The following IL1RAPL2 variants were observed in gnomAD, a reference collection of about 807,000 sequenced individuals.
IL1RAPL2 encodes interleukin 1 receptor accessory protein like 2, also known as X-linked interleukin-1 receptor accessory protein-like 2.
A neutral mutation model predicts 44.1 loss-of-function variants in IL1RAPL2; 3 were observed. That is an observed-to-expected ratio of 0.07 (90% CI 0.03 to 0.18). The LOEUF (loss-of-function observed/expected upper bound fraction) is 0.18. Among genes scored for constraint, IL1RAPL2 ranks in the 10% least tolerant of loss-of-function variants. The pLI, the probability that IL1RAPL2 is intolerant of heterozygous loss-of-function variation, is 1.00. For synonymous variants in IL1RAPL2, 181 were observed against 178.8 expected, an observed-to-expected ratio of 1.01 and a Z score of -0.10; for missense variants, 391 against 496.4, an observed-to-expected ratio of 0.79 and a Z score of 2.02.
chrX:104,800,360 G>A (rs1432096508), intron 2 of IL1RAPL2, among the ~76,000 whole-genome samples: 1 of 109,990 alleles, frequency 9.1e-6, no homozygotes, highest in South Asian at 3.9e-4. Flanking sequence ...ATCATGCCAG[G>A]TATTTAAAAA....
intron 2 of IL1RAPL2, among the ~76,000 whole-genome samples, chrX:105,110,746 T>C (rs2147565364): frequency 9.0e-6 from 1 of 110,661 alleles, no homozygotes; most frequent in African/African-American, 3.3e-5. Flanking sequence ...AGACCAGCCT[T>C]GCCAACATAG....
chrX:105,591,449 C>A (rs368529518), intron 6 of IL1RAPL2, among the ~76,000 whole-genome samples: 4 of 110,137 alleles, frequency 3.6e-5, no homozygotes, highest in South Asian at 7.7e-4. Flanking sequence ...TGTTTTTTAT[C>A]TTCTGCTAGC....
chrX:105,092,917 A>G (rs974533548), intron 2 of IL1RAPL2, among the ~76,000 whole-genome samples: 1 of 110,809 alleles, frequency 9.0e-6, no homozygotes, highest in Non-Finnish European at 1.9e-5. Context: ...GTATAACCCT[A>G]TACATAGAAT....
chrX:105,693,163 C>T (rs779828252), intron 6 of IL1RAPL2, among the ~76,000 whole-genome samples: 53 of 111,694 alleles, frequency 4.7e-4, no homozygotes, highest in Non-Finnish European at 7.7e-4. Flanking sequence ...ATGTCCTAAT[C>T]CCCAGAATTT....
intron 2 of IL1RAPL2, among the ~76,000 whole-genome samples, chrX:104,913,001 T>A (rs1202175277): frequency 9.0e-6 from 1 of 111,295 alleles, no homozygotes; most frequent in Non-Finnish European, 1.9e-5. Flanking sequence ...CAAGGCAGGA[T>A]AGTAAGAGTA....
intron 2 of IL1RAPL2, among the ~76,000 whole-genome samples, chrX:104,905,462 T>C (rs889325122): frequency 1.8e-5 from 2 of 111,897 alleles, no homozygotes; most frequent in Non-Finnish European, 3.8e-5. Flanking sequence ...CTTTAATCCA[T>C]CTTGAGTTGA....
chrX:105,130,278 C>A (rs1396576457), intron 2 of IL1RAPL2, among the ~76,000 whole-genome samples: 1 of 111,209 alleles, frequency 9.0e-6, no homozygotes, highest in Non-Finnish European at 1.9e-5. Context: ...GATTTTCAGA[C>A]CTCACTCAAG....
chrX:104,987,376 T>C (rs1246113528), intron 2 of IL1RAPL2, among the ~76,000 whole-genome samples: 2 of 108,473 alleles, frequency 1.8e-5, no homozygotes, highest in Non-Finnish European at 3.8e-5. Flanking sequence ...TTGGAATTTA[T>C]ACCCTGACTT....
At chrX:105,105,821 GC>G (rs1254267456) in intron 2 of IL1RAPL2, among the ~76,000 whole-genome samples, 1 of 111,927 alleles carries the variant, frequency 8.9e-6, no homozygotes, top group Non-Finnish European at 1.9e-5. Flanking sequence ...TATCTGAGCA[GC>G]CCCCAATTCG....
intron 2 of IL1RAPL2, among the ~76,000 whole-genome samples, chrX:104,685,438 A>G (rs1930968588): frequency 9.0e-6 from 1 of 111,696 alleles, no homozygotes; most frequent in African/African-American, 3.3e-5. Flanking sequence ...GAAAGAGGTA[A>G]TTGAGGGGGC....
chrX:105,523,360 A>G (rs2036572768), intron 6 of IL1RAPL2, among the ~76,000 whole-genome samples: 1 of 111,646 alleles, frequency 9.0e-6, no homozygotes, highest in African/African-American at 3.2e-5. Context: ...TTTCACATCT[A>G]TAAAATGGAG....
At chrX:105,393,321 A>G (rs776400179) in intron 5 of IL1RAPL2, among the ~76,000 whole-genome samples, 2 of 111,135 alleles carry the variant, frequency 1.8e-5, no homozygotes, top group Non-Finnish European at 3.8e-5. Context: ...GGGTGGGATC[A>G]GTCATTTGCC....
chrX:105,070,255 A>T (rs2032189120), intron 2 of IL1RAPL2, among the ~76,000 whole-genome samples: 1 of 111,583 alleles, frequency 9.0e-6, no homozygotes, highest in African/African-American at 3.3e-5. Context: ...TTAAGTGAAG[A>T]TATTCCACTA....
intron 2 of IL1RAPL2, among the ~76,000 whole-genome samples, chrX:104,879,777 A>G (rs945913832): frequency 9.0e-6 from 1 of 111,684 alleles, no homozygotes; most frequent in Non-Finnish European, 1.9e-5. Flanking sequence ...GAGTTGTTTC[A>G]GGACAGGATC....
At chrX:105,742,332 A>AT (rs1238961316) in intron 8 of IL1RAPL2, among the ~76,000 whole-genome samples, 1 of 111,457 alleles carries the variant, frequency 9.0e-6, no homozygotes, top group Admixed American at 9.6e-5. Flanking sequence ...AAGATTAAAC[A>AT]TTTTTTAAAA....
intron 2 of IL1RAPL2, among the ~76,000 whole-genome samples, chrX:104,677,474 G>A (rs951355469): frequency 9.0e-6 from 1 of 111,080 alleles, no homozygotes; most frequent in Admixed American, 9.5e-5. Flanking sequence ...CCAGCTGCGT[G>A]CTGGGAGAAC....
chrX:105,108,627 C>G lies in IL1RAPL2; in HGVS notation c.83-86848C>G, dbSNP rs761566812. ...AAGTGCTGGGATTACAGGCATGAGC[C>G]ATGGCAACCAGCCAAGTTCTGTCAT... On this transcript the variant is annotated intron_variant, in intron 2 of 10. Coordinates refer to ENST00000372582, the MANE Select transcript of IL1RAPL2 (RefSeq NM_017416.2). Among the ~76,000 whole-genome samples the G allele has an allele frequency of 2.0e-4, 20 of 98,873 alleles. No individual in the cohort carries two copies. The South Asian group carries it at 9.7e-3, about 48-fold the overall frequency. The allele number at this position is 98,873 out of a possible 115,157, so 85.9% of individuals were successfully genotyped here. A position where few individuals can be genotyped will look rare whatever the true frequency, so the allele number is the denominator to read the frequency against.
rs745454646 is a variant in IL1RAPL2 at position 105,422,322 on chromosome X, C to T, written c.698-61991C>T. Among the ~76,000 whole-genome samples the T allele has an allele frequency of 4.5e-5, 5 of 111,490 alleles. No individual in the cohort carries two copies. In the East Asian group the frequency reaches 8.5e-4, roughly 19 times the overall value. On this transcript the variant is annotated intron_variant, in intron 5 of 10. Transcript: ENST00000372582. ...AGAAAGTGACATTCTTTACTTACCC[C>T]GGGTTAGGACCCCTGTACAGGGAAT...
chrX:105,001,469 G>A (rs1263112356), intron 2 of IL1RAPL2, among the ~76,000 whole-genome samples: 1 of 111,084 alleles, frequency 9.0e-6, no homozygotes, highest in Non-Finnish European at 1.9e-5. Flanking sequence ...GCTTCATTCA[G>A]TAAAAAATAA....
Sources: gnomAD v4.1 joint callset for allele counts (sites outside exome capture counted in the v4.1 genomes callset) on GRCh38, gnomAD v4.1.1 for gene constraint, MANE v1.5 for transcripts, NCBI Gene and HGNC (gene_info 2026-07-23, HGNC 2026-07-21) for gene names.